Variants in MARCHF3 observed in about 807,000 individuals in gnomAD.
MARCHF3 encodes E3 ubiquitin-protein ligase MARCHF3.
A neutral mutation model predicts 24.2 loss-of-function variants in MARCHF3; 13 were observed. The ratio of observed to expected loss-of-function variants is 0.54; its 90% CI spans 0.35 to 0.85. The LOEUF is 0.85. Among genes scored for constraint, MARCHF3 ranks in the 40% least tolerant of loss-of-function variants. The pLI is 0.01. For synonymous variants in MARCHF3, 144 were observed against 137.3 expected (o/e 1.05, Z -0.34); for missense variants, 276 against 325.0 (o/e 0.85, Z 1.16).
At chr5:127,005,770 T>C (rs1425535545) in intron 1 of MARCHF3, among the ~76,000 whole-genome samples, 1 of 152,186 alleles carries the variant, frequency 6.6e-6, no homozygotes, top group African/African-American at 2.4e-5. Context: ...CTTTTAAGTA[T>C]GCATGTCATG....
chr5:126,964,402 G>T (rs1750737249), intron 1 of MARCHF3, among the ~76,000 whole-genome samples: 1 of 152,134 alleles, frequency 6.6e-6, no homozygotes, highest in Non-Finnish European at 1.5e-5. Flanking sequence ...CCTCCTGACA[G>T]ACTTCAATTT....
chr5:126,920,631 G>A (rs1749077109), intron 1 of MARCHF3, among the ~76,000 whole-genome samples: 2 of 152,132 alleles, frequency 1.3e-5, no homozygotes, highest in Admixed American at 6.5e-5. Context: ...AGGAGGGGGT[G>A]CGCAGAGTAA....
intron 1 of MARCHF3, among the ~76,000 whole-genome samples, chr5:126,930,867 G>T (rs894160297): frequency 4.6e-5 from 7 of 152,146 alleles, no homozygotes; most frequent in Non-Finnish European, 8.8e-5. Flanking sequence ...AAGAGCAGGG[G>T]CATTTTCTGC....
chr5:126,956,707 A>G (rs1297812349), intron 1 of MARCHF3, among the ~76,000 whole-genome samples: 4 of 151,144 alleles, frequency 2.6e-5, no homozygotes, highest in African/African-American at 9.7e-5. Flanking sequence ...AAAACAAACA[A>G]TAACAAAAAA....
At chr5:126,966,922 T>C (rs1750835469) in intron 1 of MARCHF3, among the ~76,000 whole-genome samples, 1 of 118,536 alleles carries the variant, frequency 8.4e-6, no homozygotes. Flanking sequence ...TTTTTTTTTT[T>C]TTTTTTTTTT....
chr5:126,963,933 G>A (rs945296394), intron 1 of MARCHF3, among the ~76,000 whole-genome samples: 4 of 152,114 alleles, frequency 2.6e-5, no homozygotes, highest in Non-Finnish European at 2.9e-5. Flanking sequence ...AGTCATAAAC[G>A]CTCCTACCAT....
At chr5:126,877,769 G>A (rs896528037) in intron 4 of MARCHF3, among the ~76,000 whole-genome samples, 3 of 152,158 alleles carry the variant, frequency 2.0e-5, no homozygotes, top group African/African-American at 4.8e-5. Context: ...GAGGATTCAC[G>A]ATCTGTGCAG....
At chr5:127,007,278 G>A (rs1308823052) in intron 1 of MARCHF3, among the ~76,000 whole-genome samples, 1 of 150,366 alleles carries the variant, frequency 6.7e-6, no homozygotes, top group Non-Finnish European at 1.5e-5. Flanking sequence ...ATATTATCTT[G>A]TCTTGCTTTA....
chr5:126,949,583 C>T (rs1442933520), intron 1 of MARCHF3, among the ~76,000 whole-genome samples: 1 of 152,164 alleles, frequency 6.6e-6, no homozygotes, highest in African/African-American at 2.4e-5. Flanking sequence ...CATCTGAGAC[C>T]CAGCCCTTGA....
intron 1 of MARCHF3, among the ~76,000 whole-genome samples, chr5:126,934,506 A>G (rs1390930674): frequency 6.6e-6 from 1 of 151,376 alleles, no homozygotes; most frequent in Non-Finnish European, 1.5e-5. Flanking sequence ...ACTCTGATCT[A>G]GGGGTTATTT....
chr5:126,902,268 C>A (rs771498282), intron 3 of MARCHF3, among the ~76,000 whole-genome samples: 6 of 152,078 alleles, frequency 3.9e-5, no homozygotes, highest in African/African-American at 1.5e-4. Flanking sequence ...TGAATACACA[C>A]CTGTTTGTTA....
intron 3 of MARCHF3, among the ~76,000 whole-genome samples, chr5:126,893,268 G>T (rs1305358770): frequency 1.1e-4 from 17 of 151,556 alleles, no homozygotes; most frequent in Non-Finnish European, 1.9e-4. Context: ...TTTTTGAAGG[G>T]TTTTTTGTGT....
intron 3 of MARCHF3, among the ~76,000 whole-genome samples, chr5:126,911,229 T>C (rs568683121): frequency 3.7e-4 from 56 of 152,302 alleles, no homozygotes; most frequent in South Asian, 1.5e-3. Context: ...CTTGTGATAT[T>C]CTATTACCTT....
chr5:126,925,176 G>A (rs919079660), intron 1 of MARCHF3, among the ~76,000 whole-genome samples: 2 of 152,084 alleles, frequency 1.3e-5, no homozygotes, highest in Admixed American at 6.5e-5. Flanking sequence ...TTTTGATTTG[G>A]GGGTAATGGC....
chr5:126,886,718 A>C (rs1753521280), intron 3 of MARCHF3, among the ~76,000 whole-genome samples: 1 of 152,192 alleles, frequency 6.6e-6, no homozygotes, highest in South Asian at 2.1e-4. Context: ...AAACATGACA[A>C]GCTTTACAAG....
At chr5:126,918,456 G>A (rs976891029) in intron 1 of MARCHF3, among the ~76,000 whole-genome samples, 1 of 152,158 alleles carries the variant, frequency 6.6e-6, no homozygotes, top group Admixed American at 6.6e-5. Flanking sequence ...GCATGTCCGT[G>A]TATATAAACA....
intron 1 of MARCHF3, among the ~76,000 whole-genome samples, chr5:126,992,252 G>A (rs2126844033): frequency 6.6e-6 from 1 of 151,864 alleles, no homozygotes; most frequent in Admixed American, 6.5e-5. Flanking sequence ...ATATTTATTA[G>A]TCTTTATCAT....
chr5:127,006,441 C>T (rs957862177), intron 1 of MARCHF3, among the ~76,000 whole-genome samples: 2 of 152,154 alleles, frequency 1.3e-5, no homozygotes, highest in East Asian at 1.9e-4. Flanking sequence ...TTCACACAGA[C>T]TGTAAACATT....
At chr5:126,963,763 G>T (rs953008827) in intron 1 of MARCHF3, among the ~76,000 whole-genome samples, 1 of 152,176 alleles carries the variant, frequency 6.6e-6, no homozygotes, top group African/African-American at 2.4e-5. Flanking sequence ...ACACTCTTCT[G>T]TCAGGAAAAC....
Sources: gnomAD v4.1 joint callset for allele counts (sites outside exome capture counted in the v4.1 genomes callset) on GRCh38, gnomAD v4.1.1 for gene constraint, MANE v1.5 for transcripts, NCBI Gene and HGNC (gene_info 2026-07-23, HGNC 2026-07-21) for gene names.